ACTR6: variants seen among roughly 807,000 people sequenced by gnomAD.
The protein encoded by ACTR6 is actin-related protein 6.
Under a neutral mutation model 52.5 loss-of-function variants are expected in ACTR6, and 50 were observed. The observed-to-expected ratio is 0.95, with a 90% confidence interval of 0.76 to 1.20. The LOEUF (loss-of-function observed/expected upper bound fraction) is 1.20, where lower values mean the gene tolerates loss of function less well. Ranked by LOEUF, ACTR6 falls within the 50% of genes most tolerant of loss-of-function variation. ACTR6 has a pLI of 0.00. For missense variants in ACTR6, 344 were observed against 472.4 expected, an observed-to-expected ratio of 0.73 and a Z score of 2.52; for synonymous variants, 135 against 147.2, an observed-to-expected ratio of 0.92 and a Z score of 0.60.
chr12:100,215,614 G>A (rs531158782), intron 8 of ACTR6, among the ~76,000 whole-genome samples: 2 of 152,324 alleles, frequency 1.3e-5, no homozygotes, highest in African/African-American at 4.8e-5. Context: ...GACAAAGTCA[G>A]TTGGAACTGG....
Position 100,218,476 on chromosome 12 carries a change from C to G in ACTR6, c.812C>G (p.Ala271Gly). ...YKSGEQILRL[A>G]NERFAVPEIL... The stretch of plus-strand genomic sequence containing the variant: ...TCTGGGGAACAAATTCTTCGTTTGG[C>G]CAATGAGAGATTTGCTGTTCCGGAA... Residue 271 changes from alanine to glycine, a missense_variant, in exon 9 of 11, where the codon GCC becomes GGC. By Grantham distance (60) the Ala-to-Gly change is moderately conservative (BLOSUM62 0). Coordinates refer to ENST00000188312, the MANE Select transcript of ACTR6 (RefSeq NM_022496.5). This position sits in a 1 kb window ranked among gnomAD's most constrained non-coding sequence, Gnocchi z 4.2. 1 of 1,608,596 alleles carries G rather than the reference C, an allele frequency of 6.2e-7. No homozygotes were observed. Among genetic ancestry groups the G allele is most frequent in the Non-Finnish European group, 8.5e-7 (1 of 1,177,576 alleles).
intron 3 of ACTR6, 90 bp downstream of exon 3, chr12:100,205,834 T>A: frequency 1.4e-6 from 1 of 719,180 alleles, no homozygotes; most frequent in Non-Finnish European, 2.1e-6. Context: ...TATAAACTTA[T>A]GAATAATGTT....
In ACTR6 at chr12:100,201,183, A is replaced by T; in HGVS notation, c.68+264A>T. ...AAATAGCCAAAGAAAATAGGCTTATAGAGATGCGTTCCTGACAGAAGGGTC... is the reference window on the plus strand; with the variant it reads ...AAATAGCCAAAGAAAATAGGCTTATTGAGATGCGTTCCTGACAGAAGGGTC... On this transcript the variant is annotated intron_variant, in intron 1 of 10. Coordinates refer to ENST00000188312, the MANE Select transcript of ACTR6 (RefSeq NM_022496.5). 7.2e-6 allele frequency: 6 copies of T among 828,846 alleles called. No homozygotes were observed. The South Asian group carries it at 1.1e-4, about 15-fold the overall frequency. The allele number at this position is 828,846 out of a possible 1,614,324, so 51.3% of individuals were successfully genotyped here. A position where few individuals can be genotyped will look rare whatever the true frequency, so the allele number is the denominator to read the frequency against.
At chr12:100,205,366 A>T in intron 2 of ACTR6, 1 of 286,104 alleles carries the variant, frequency 3.5e-6, no homozygotes, top group South Asian at 1.1e-4. Context: ...CTTATTTGTG[A>T]GTTTGTTTTT....
At chr12:100,211,624 AAT>A (rs151244612) in intron 6 of ACTR6, among the ~76,000 whole-genome samples, 9 of 150,092 alleles carry the variant, frequency 6.0e-5, no homozygotes, top group Admixed American at 6.7e-5. Context: ...GTCAGCTTAA[AAT>A]ATATATATAT....
Position 100,210,125 on chromosome 12 carries a change from C to T in ACTR6, c.432C>T (p.Cys144=). 2 of 1,610,486 alleles carry T rather than the reference C, an allele frequency of 1.2e-6. No individual in the cohort carries two copies. The highest frequency in any genetic ancestry group is 1.7e-6 in the Non-Finnish European group (2 of 1,178,534). ...RYFRDNPSEL[C]CIIVDSGYSF... ...TCCGAGATAATCCTTCCGAATTATG[C>T]TGTATCATTGTTGATAGTGGATATT... is the stretch of plus-strand genomic sequence containing the variant. The change falls in exon 5 of 11, where the codon TGC becomes TGT. Residue 144 remains cysteine, a synonymous_variant. Coordinates refer to ENST00000188312, the MANE Select transcript of ACTR6 (RefSeq NM_022496.5).
At chr12:100,221,014 A>G (rs1238313094) in intron 10 of ACTR6, among the ~76,000 whole-genome samples, 1 of 103,358 alleles carries the variant, frequency 9.7e-6, no homozygotes, top group Non-Finnish European at 1.9e-5. Context: ...CCCCCCTGGC[A>G]AAAAAAAAAA....
chr12:100,201,462 G>A (rs1380899726), intron 1 of ACTR6, among the ~76,000 whole-genome samples: 1 of 152,164 alleles, frequency 6.6e-6, no homozygotes, highest in Non-Finnish European at 1.5e-5. Context: ...TAAAATATAT[G>A]TTTGAATAAA....
chr12:100,219,322 A>G (rs930676952), intron 9 of ACTR6, among the ~76,000 whole-genome samples: 1 of 152,174 alleles, frequency 6.6e-6, no homozygotes, highest in African/African-American at 2.4e-5. Context: ...CGAGGTCAAT[A>G]TAAGGAAACT....
At chr12:100,212,839 A>C (rs1471073061) in intron 8 of ACTR6, among the ~76,000 whole-genome samples, 1 of 151,720 alleles carries the variant, frequency 6.6e-6, no homozygotes, top group Non-Finnish European at 1.5e-5. Context: ...CCCCGTCTCT[A>C]CTAAAAATAC....
At chr12:100,217,205 T>G (rs574451310) in intron 8 of ACTR6, among the ~76,000 whole-genome samples, 1 of 152,368 alleles carries the variant, frequency 6.6e-6, no homozygotes, top group African/African-American at 2.4e-5. Flanking sequence ...TTGCTTACTA[T>G]TATTCAAGAA....
rs969132717 is a variant in ACTR6 at position 100,202,782 on chromosome 12, G to C, written c.68+1863G>C. On this transcript the variant is annotated intron_variant, in intron 1 of 10. Transcript: ENST00000188312. ...TGAGGCGGGAGAATGGCGTGGGCCT[G>C]GGAGGCGGAGCTTGCAGTGAGCCGA... Among the ~76,000 whole-genome samples the C allele has an allele frequency of 2.0e-5, 3 of 151,988 alleles. No homozygotes were observed. The East Asian group carries it at 5.8e-4, about 29-fold the overall frequency.
intron 6 of ACTR6, among the ~76,000 whole-genome samples, chr12:100,211,169 A>G (rs2096119585): frequency 6.6e-6 from 1 of 152,148 alleles, no homozygotes; most frequent in Non-Finnish European, 1.5e-5. Flanking sequence ...CAAGAATGTT[A>G]CAGTCTCAGA....
intron 4 of ACTR6, 73 bp from the exon 5 acceptor site, chr12:100,210,000 T>C: frequency 7.3e-7 from 1 of 1,376,984 alleles, no homozygotes; most frequent in Non-Finnish European, 9.8e-7. Context: ...GTGCTTGTCT[T>C]TGTTTCCTAC....
At chr12:100,212,197 T>C in intron 6 of ACTR6, 59 bp from the exon 7 acceptor site, 3 of 1,251,736 alleles carry the variant, frequency 2.4e-6, no homozygotes, top group Non-Finnish European at 3.3e-6. Flanking sequence ...AAATTTCAGA[T>C]AATTATAAAT....
chr12:100,200,888 G>C lies in ACTR6; in HGVS notation c.37G>C (p.Ala13Pro). 6.2e-7 allele frequency: 1 copy of C among 1,614,106 alleles called. No homozygotes were observed. The highest frequency in any genetic ancestry group is 1.1e-5 in the South Asian group (1 of 91,084). The change falls in exon 1 of 11, where the codon GCC becomes CCC. Residue 13 changes from alanine to proline, a missense_variant. Transcript: ENST00000188312. ...AGTGCTGGATAATGGAGCTTACAAC[G>C]CCAAAATCGGTTACAGCCATGAAAA... is the stretch of plus-strand genomic sequence containing the variant. ...TLVLDNGAYN[A>P]KIGYSHENVS...
intron 8 of ACTR6, among the ~76,000 whole-genome samples, chr12:100,215,151 T>C (rs2096123029): frequency 6.6e-6 from 1 of 152,204 alleles, no homozygotes; most frequent in Non-Finnish European, 1.5e-5. Context: ...CTTGGGGCAC[T>C]TGAAAACAAA....
Position 100,223,792 on chromosome 12 carries a change from T to G in ACTR6, c.1068T>G (p.Ile356Met). 6.2e-7 allele frequency: 1 copy of G among 1,606,548 alleles called. No individual in the cohort carries two copies. The highest frequency in any genetic ancestry group is 8.5e-7 in the Non-Finnish European group (1 of 1,177,920). ...DVSVVLPENPITYAWEGGKLI... is the reference protein window; with the variant it reads ...DVSVVLPENPMTYAWEGGKLI... Reference sequence around the variant, plus strand: ...TTTATACCTTTATTTTCAGCCCTATTACTTATGCCTGGGAAGGTGGAAAAT... The same window carrying G: ...TTTATACCTTTATTTTCAGCCCTATGACTTATGCCTGGGAAGGTGGAAAAT... Residue 356 changes from isoleucine to methionine, a missense_variant, in exon 11 of 11, where the codon ATT becomes ATG. Coordinates refer to ENST00000188312, the MANE Select transcript of ACTR6 (RefSeq NM_022496.5).
chr12:100,214,404 C>T (rs2096122349), intron 8 of ACTR6, among the ~76,000 whole-genome samples: 1 of 151,758 alleles, frequency 6.6e-6, no homozygotes, highest in South Asian at 2.1e-4. Flanking sequence ...CTACTTGGGG[C>T]CTTATAAAAC....
Sources: allele counts gnomAD v4.1 joint callset (sites outside exome capture counted in the v4.1 genomes callset), GRCh38; gene constraint gnomAD v4.1.1; non-coding constraint Gnocchi (gnomAD v3.1); transcripts MANE v1.5; gene names NCBI Gene and HGNC (gene_info 2026-07-23, HGNC 2026-07-21).